AGBL4: variants seen among roughly 807,000 people sequenced by gnomAD.
AGBL4 encodes the protein cytosolic carboxypeptidase 6.
AGBL4 carries 58 observed loss-of-function variants against 66.4 expected under a neutral mutation model. That is an observed-to-expected ratio of 0.87 (90% CI 0.71 to 1.09). AGBL4 has a LOEUF of 1.09. Among genes scored for constraint, AGBL4 ranks in the 50% least tolerant of loss-of-function variants. The pLI, the probability that AGBL4 is intolerant of heterozygous loss-of-function variation, is 0.00. For missense variants in AGBL4, 579 were observed against 631.0 expected (o/e 0.92, Z 0.88); for synonymous variants, 234 against 222.9 (o/e 1.05, Z -0.44).
chr1:48,759,431 C>T (rs1644136408), intron 6 of AGBL4: 1 of 1,323,512 alleles, frequency 7.6e-7, no homozygotes, highest in Non-Finnish European at 9.9e-7. Flanking sequence ...TAGTCAAAGC[C>T]CTTCATTTTA....
intron 8 of AGBL4, among the ~76,000 whole-genome samples, chr1:48,646,915 T>C (rs1158246242): frequency 5.3e-5 from 8 of 152,192 alleles, no homozygotes; most frequent in Non-Finnish European, 1.2e-4. Context: ...ACTTACATAC[T>C]AGCTCCTCTT....
At chr1:49,571,827 G>A (rs1196733785) in intron 3 of AGBL4, among the ~76,000 whole-genome samples, 2 of 151,978 alleles carry the variant, frequency 1.3e-5, no homozygotes, top group East Asian at 1.9e-4. Context: ...TGAGATGATA[G>A]TAGAGTTTTT....
At chr1:49,922,874 A>G (rs1652396507) in intron 1 of AGBL4, among the ~76,000 whole-genome samples, 1 of 152,222 alleles carries the variant, frequency 6.6e-6, no homozygotes, top group Non-Finnish European at 1.5e-5. Context: ...ATATTTTTAA[A>G]ATGGCAATAC....
chr1:49,610,772 T>C (rs550983385), intron 3 of AGBL4, among the ~76,000 whole-genome samples: 3 of 152,302 alleles, frequency 2.0e-5, no homozygotes, highest in East Asian at 1.9e-4. Context: ...GAGCGATAAA[T>C]ATCTCTTAAT....
chr1:48,993,238 A>G (rs969463485), intron 5 of AGBL4, among the ~76,000 whole-genome samples: 1 of 152,148 alleles, frequency 6.6e-6, no homozygotes, highest in Non-Finnish European at 1.5e-5. Context: ...TCTTCAAAGT[A>G]GCAGATTCCC....
intron 3 of AGBL4, among the ~76,000 whole-genome samples, chr1:49,406,501 G>C (rs561681796): frequency 1.3e-5 from 2 of 152,196 alleles, no homozygotes; most frequent in Non-Finnish European, 2.9e-5. Context: ...AAATTACCAA[G>C]CAAAGGGTAC....
chr1:49,207,509 TTC>T (rs1648270345), intron 4 of AGBL4, among the ~76,000 whole-genome samples: 3 of 151,406 alleles, frequency 2.0e-5, no homozygotes, highest in Admixed American at 2.0e-4. Flanking sequence ...TTCTTTCTTT[TTC>T]TTTCTTTCTT....
At chr1:48,902,199 G>T (rs1652147660) in intron 5 of AGBL4, among the ~76,000 whole-genome samples, 2 of 152,146 alleles carry the variant, frequency 1.3e-5, no homozygotes, top group Non-Finnish European at 2.9e-5. Flanking sequence ...AGTTTCTTCA[G>T]TGTATACATA....
At chr1:48,998,944 A>G (rs1312503041) in intron 5 of AGBL4, among the ~76,000 whole-genome samples, 3 of 152,222 alleles carry the variant, frequency 2.0e-5, no homozygotes, top group African/African-American at 7.2e-5. Context: ...GGGGCAGATA[A>G]GTCCCACATG....
intron 4 of AGBL4, among the ~76,000 whole-genome samples, chr1:49,063,260 C>T (rs1177526636): frequency 1.3e-5 from 2 of 152,180 alleles, no homozygotes; most frequent in African/African-American, 4.8e-5. Flanking sequence ...TCACCCTGTG[C>T]AGTGTCTTTC....
At chr1:49,230,364 C>A (rs936620524) in intron 4 of AGBL4, among the ~76,000 whole-genome samples, 1 of 152,308 alleles carries the variant, frequency 6.6e-6, no homozygotes, top group African/African-American at 2.4e-5. Flanking sequence ...ACCATACACC[C>A]AAATGCCCTC....
intron 3 of AGBL4, among the ~76,000 whole-genome samples, chr1:49,255,109 A>G (rs1025376590): frequency 2.3e-4 from 35 of 152,314 alleles, no homozygotes; most frequent in Non-Finnish European, 5.0e-4. Flanking sequence ...ACAGTCAAAG[A>G]TTTCATGACA....
intron 3 of AGBL4, among the ~76,000 whole-genome samples, chr1:49,324,342 C>G (rs890209327): frequency 6.6e-6 from 1 of 152,226 alleles, no homozygotes; most frequent in Admixed American, 6.5e-5. Flanking sequence ...GACCAGCACT[C>G]TCATGGCATT....
chr1:48,859,313 G>A (rs538932007), intron 6 of AGBL4, among the ~76,000 whole-genome samples: 8 of 152,308 alleles, frequency 5.3e-5, no homozygotes, highest in African/African-American at 1.9e-4. Context: ...AGAAGTGTCA[G>A]GGAATCAACA....
At chr1:49,898,418 T>C (rs1236989419) in intron 1 of AGBL4, among the ~76,000 whole-genome samples, 1 of 151,920 alleles carries the variant, frequency 6.6e-6, no homozygotes, top group Non-Finnish European at 1.5e-5. Context: ...TAAAGAGATA[T>C]CATCTCACCC....
chr1:49,508,992 G>A (rs994741628), intron 3 of AGBL4, among the ~76,000 whole-genome samples: 1 of 151,654 alleles, frequency 6.6e-6, no homozygotes, highest in Non-Finnish European at 1.5e-5. Flanking sequence ...ATCTAGTAGG[G>A]AACATGGATA....
chr1:49,977,549 C>G (rs1658671910), intron 1 of AGBL4, among the ~76,000 whole-genome samples: 1 of 152,184 alleles, frequency 6.6e-6, no homozygotes, highest in African/African-American at 2.4e-5. Flanking sequence ...TTTTATGGCT[C>G]CAATGCCACA....
chr1:48,595,445 C>A (rs1369580061), intron 9 of AGBL4, among the ~76,000 whole-genome samples: 2 of 152,230 alleles, frequency 1.3e-5, no homozygotes, highest in Non-Finnish European at 1.5e-5. Context: ...AGGTACTTTT[C>A]TGTGGCTGTG....
rs116407455 is a variant in AGBL4, at chr1:49,611,379, T to C, written c.282+85934A>G. Among the ~76,000 whole-genome samples, 1,123 of 146,902 alleles carry C rather than the reference T, an allele frequency of 7.6e-3. 12 individuals carry two copies. The highest frequency in any genetic ancestry group is 0.026 in the African/African-American group (1,044 of 40,188). ...ATTTAGGTATCAACCATATTCTTTTTTTTTTTTTTTTTTTTGAGATGGAGT... is the reference window on the plus strand; with the variant it reads ...ATTTAGGTATCAACCATATTCTTTTCTTTTTTTTTTTTTTTGAGATGGAGT... On this transcript the variant is annotated intron_variant, in intron 3 of 13. Coordinates refer to ENST00000371839, the MANE Select transcript of AGBL4 (RefSeq NM_032785.4).
Sources: gnomAD v4.1 joint callset for allele counts (sites outside exome capture counted in the v4.1 genomes callset) on GRCh38, gnomAD v4.1.1 for gene constraint, MANE v1.5 for transcripts, NCBI Gene and HGNC (gene_info 2026-07-23, HGNC 2026-07-21) for gene names.